NTF3: variants seen among roughly 807,000 people sequenced by gnomAD.
NTF3 encodes neurotrophin-3.
Under a neutral mutation model 26.3 loss-of-function variants are expected in NTF3, and 8 were observed. That is an observed-to-expected ratio of 0.30 (90% CI 0.18 to 0.55). The LOEUF (loss-of-function observed/expected upper bound fraction) is 0.55, where lower values mean the gene tolerates loss of function less well. Ranked by LOEUF, NTF3 falls within the 20% of genes least tolerant of loss-of-function variation. The pLI, the probability that NTF3 is intolerant of heterozygous loss-of-function variation, is 0.93. For missense variants in NTF3, 276 were observed against 352.9 expected (o/e 0.78, Z 1.75); for synonymous variants, 154 against 145.5 (o/e 1.06, Z -0.42).
intron 1 of NTF3, among the ~76,000 whole-genome samples, chr12:5,451,031 A>G (rs1405093510): frequency 6.6e-6 from 1 of 152,188 alleles, no homozygotes; most frequent in Non-Finnish European, 1.5e-5. Context: ...AGCCCTAACC[A>G]CTATCCCACA....
intron 1 of NTF3, among the ~76,000 whole-genome samples, chr12:5,482,109 C>T (rs573602453): frequency 4.6e-5 from 7 of 152,188 alleles, no homozygotes; most frequent in African/African-American, 1.7e-4. Flanking sequence ...TACATAGAGA[C>T]ATACAATGCA....
At chr12:5,481,100 G>T (rs1364247031) in intron 1 of NTF3, among the ~76,000 whole-genome samples, 1 of 152,090 alleles carries the variant, frequency 6.6e-6, no homozygotes, top group Non-Finnish European at 1.5e-5. Context: ...GGGACCCAGA[G>T]AGCGAGAGCC....
rs746563252 is a variant in NTF3 at position 5,481,721 on chromosome 12, C to CCA, written c.19-12460_19-12459dup. The stretch of plus-strand genomic sequence containing the variant: ...AGCAGAATAACACCACACGCACACA[C>CCA]CACACACACACACAGAATAACACCA... On this transcript the variant is annotated intron_variant, in intron 1 of 1. Coordinates refer to ENST00000423158, the MANE Select transcript of NTF3 (RefSeq NM_001102654.2). Among the ~76,000 whole-genome samples the CCA allele has an allele frequency of 1.6e-3, 205 of 125,432 alleles. 1 individual carries two copies. The highest frequency in any genetic ancestry group is 5.3e-3 in the African/African-American group (181 of 33,836). 82.3% of individuals were successfully genotyped at this position (125,432 alleles called of 152,430 possible).
At chr12:5,477,094 A>G (rs984050178) in intron 1 of NTF3, among the ~76,000 whole-genome samples, 1 of 152,212 alleles carries the variant, frequency 6.6e-6, no homozygotes, top group South Asian at 2.1e-4. Flanking sequence ...CTGTAATCAC[A>G]GTTTAATTTG....
At chr12:5,482,749 C>G (rs1169435381) in intron 1 of NTF3, among the ~76,000 whole-genome samples, 1 of 151,774 alleles carries the variant, frequency 6.6e-6, no homozygotes, top group African/African-American at 2.4e-5. Context: ...CTCCGTGTCT[C>G]TCTCCTCTCT....
chr12:5,439,100 T>G (rs564109658), intron 1 of NTF3, among the ~76,000 whole-genome samples: 21 of 152,288 alleles, frequency 1.4e-4, no homozygotes, highest in African/African-American at 4.8e-4. Context: ...GGATTTGGCT[T>G]TCTGGTAGGT....
At position 5,484,842 on chromosome 12, in the gene NTF3, C is replaced by T. The variant is rs73034484; in HGVS notation, c.19-9352C>T. On this transcript the variant is annotated intron_variant, in intron 1 of 1. Coordinates refer to ENST00000423158, the MANE Select transcript of NTF3 (RefSeq NM_001102654.2). The stretch of plus-strand genomic sequence containing the variant: ...GGAGAAACACTGCTCAGGAACTGAG[C>T]CCCCAAGATGCACAGTGATTCTCCC... 2.8e-3 allele frequency among the ~76,000 whole-genome samples: 431 copies of T among 152,250 alleles called. 3 individuals carry two copies. Among genetic ancestry groups the T allele is most frequent in the Non-Finnish European group, 4.7e-3 (317 of 68,016 alleles).
At chr12:5,432,382 G>A (rs1438314793) in intron 1 of NTF3, 40 bp downstream of exon 1, 1 of 1,608,232 alleles carries the variant, frequency 6.2e-7, no homozygotes, top group South Asian at 1.1e-5. Flanking sequence ...GGCAGGTTTG[G>A]GGATGGGGGT....
intron 1 of NTF3, among the ~76,000 whole-genome samples, chr12:5,468,713 CT>C (rs1160549802): frequency 1.3e-5 from 2 of 152,180 alleles, no homozygotes; most frequent in African/African-American, 4.8e-5. Flanking sequence ...TGCTGCTCCG[CT>C]TATGCTGGGA....
At chr12:5,459,098 T>G (rs1463192992) in intron 1 of NTF3, among the ~76,000 whole-genome samples, 1 of 152,204 alleles carries the variant, frequency 6.6e-6, no homozygotes, top group East Asian at 1.9e-4. Context: ...TCTGTCTCCA[T>G]TTTTCCCCTG....
Position 5,494,335 on chromosome 12 carries a change from G to A in NTF3, c.160G>A (p.Ala54Thr). ...TTCCCTCATTATTAAGCTGATCCAGGCAGATATTTTGAAAAACAAGCTCTC... is the reference window on the plus strand; with the variant it reads ...TTCCCTCATTATTAAGCTGATCCAGACAGATATTTTGAAAAACAAGCTCTC... ...LNSLIIKLIQ[A>T]DILKNKLSKQ... is the part of the protein sequence containing the mutation. The change falls in exon 2 of 2, where the codon GCA (alanine) becomes ACA (threonine). Residue 54 changes from alanine to threonine, a missense_variant. Coordinates refer to ENST00000423158, the MANE Select transcript of NTF3 (RefSeq NM_001102654.2). This position sits in a 1 kb window ranked among gnomAD's most constrained non-coding sequence, Gnocchi z 8.3. The A allele has an allele frequency of 6.2e-7, 1 of 1,614,090 alleles. No homozygotes were observed.
At chr12:5,447,740 G>A (rs191940488) in intron 1 of NTF3, among the ~76,000 whole-genome samples, 202 of 152,266 alleles carry the variant, frequency 1.3e-3, no homozygotes, top group African/African-American at 4.5e-3. Flanking sequence ...TTGGGAAGAC[G>A]GCTCTTCTCC....
rs569063178 is a variant in NTF3, at chr12:5,488,369, A to G, written c.19-5825A>G. On this transcript the variant is annotated intron_variant, in intron 1 of 1. Coordinates refer to ENST00000423158, the MANE Select transcript of NTF3 (RefSeq NM_001102654.2). The stretch of plus-strand genomic sequence containing the variant: ...GAGCGTCATCTGTGCATTTTAATTA[A>G]TCTGCCACTTTTTCCTCCCTCCTGC... Among the ~76,000 whole-genome samples, 5 of 152,182 alleles carry G rather than the reference A, an allele frequency of 3.3e-5. No homozygotes were observed. The East Asian group carries it at 5.8e-4, about 18-fold the overall frequency.
At chr12:5,479,084 A>C (rs570405639) in intron 1 of NTF3, among the ~76,000 whole-genome samples, 6 of 152,120 alleles carry the variant, frequency 3.9e-5, no homozygotes, top group Non-Finnish European at 5.9e-5. Context: ...TATTGTTGTC[A>C]TTTTCTTAAT....
chr12:5,435,376 C>G (rs1042348934), intron 1 of NTF3, among the ~76,000 whole-genome samples: 1 of 152,132 alleles, frequency 6.6e-6, no homozygotes, highest in African/African-American at 2.4e-5. Context: ...GCAATTTTGC[C>G]AGAAATAGAC....
chr12:5,444,257 T>C (rs983184149), intron 1 of NTF3, among the ~76,000 whole-genome samples: 1 of 152,194 alleles, frequency 6.6e-6, no homozygotes, highest in African/African-American at 2.4e-5. Flanking sequence ...AATGTTCCAA[T>C]TGTCGATTAT....
At chr12:5,468,700 C>T (rs1186813307) in intron 1 of NTF3, among the ~76,000 whole-genome samples, 2 of 152,218 alleles carry the variant, frequency 1.3e-5, no homozygotes, top group Non-Finnish European at 2.9e-5. Context: ...AGCCTGACGC[C>T]AATGCTGCTC....
At chr12:5,435,971 G>A (rs993562785) in intron 1 of NTF3, among the ~76,000 whole-genome samples, 2 of 152,080 alleles carry the variant, frequency 1.3e-5, no homozygotes, top group Non-Finnish European at 2.9e-5. Flanking sequence ...TGTGTGTCTG[G>A]GGAAGGATAA....
intron 1 of NTF3, among the ~76,000 whole-genome samples, chr12:5,470,045 C>G (rs1940645033): frequency 6.6e-6 from 1 of 152,232 alleles, no homozygotes; most frequent in African/African-American, 2.4e-5. Flanking sequence ...CTACCTCAGC[C>G]TCCTGAGTAG....
Sources: allele counts gnomAD v4.1 joint callset (sites outside exome capture counted in the v4.1 genomes callset), GRCh38; gene constraint gnomAD v4.1.1; non-coding constraint Gnocchi (gnomAD v3.1); transcripts MANE v1.5; gene names NCBI Gene and HGNC (gene_info 2026-07-23, HGNC 2026-07-21).